ARHGAP44: variants seen among roughly 807,000 people sequenced by gnomAD.
ARHGAP44 encodes the protein Rho GTPase activating protein 44.
ARHGAP44 carries 43 observed loss-of-function variants against 106.8 expected under a neutral mutation model. That is an observed-to-expected ratio of 0.40 (90% CI 0.32 to 0.52). The LOEUF is 0.52. ARHGAP44 is among the 20% of genes least tolerant of loss of function. The pLI is 0.48. For missense variants in ARHGAP44, 866 were observed against 1,050.5 expected (o/e 0.82, Z 2.43); for synonymous variants, 439 against 410.3 (o/e 1.07, Z -0.85).
chr17:12,952,558 C>T lies in ARHGAP44; in HGVS notation c.1113C>T (p.Pro371=), dbSNP rs1009467619. The part of the protein sequence containing the change: ...QALWNACEKL[P]KANHNNIRYL... Reference sequence around the variant, plus strand: ...TATGGAATGCTTGTGAAAAGTTGCCCAAGGCCAATCACAACAACATCCGGT... The same window carrying T: ...TATGGAATGCTTGTGAAAAGTTGCCTAAGGCCAATCACAACAACATCCGGT... The change falls in exon 13 of 21, where the codon CCC becomes CCT. Residue 371 remains proline (P), a synonymous_variant. Transcript: ENST00000379672. 5 of 1,575,166 alleles carry T rather than the reference C, an allele frequency of 3.2e-6. No individual in the cohort carries two copies. The highest frequency in any genetic ancestry group is 4.3e-6 in the Non-Finnish European group (5 of 1,159,956).
At chr17:12,839,031 A>G (rs2035319911) in intron 1 of ARHGAP44, among the ~76,000 whole-genome samples, 1 of 152,100 alleles carries the variant, frequency 6.6e-6, no homozygotes, top group Admixed American at 6.6e-5. Flanking sequence ...GGTTTTATTT[A>G]TACCAAGTTT....
intron 3 of ARHGAP44, among the ~76,000 whole-genome samples, chr17:12,901,253 T>C (rs2150927827): frequency 6.6e-6 from 1 of 152,044 alleles, no homozygotes; most frequent in South Asian, 2.1e-4. Context: ...AACATAAAGG[T>C]GGCCAGAGTG....
chr17:12,939,011 C>G (rs141469136), intron 7 of ARHGAP44, among the ~76,000 whole-genome samples: 2 of 152,282 alleles, frequency 1.3e-5, no homozygotes, highest in African/African-American at 4.8e-5. Flanking sequence ...GTCTACTGAG[C>G]CATTTGTATC....
intron 1 of ARHGAP44, among the ~76,000 whole-genome samples, chr17:12,815,391 T>C (rs772776610): frequency 6.6e-6 from 1 of 152,088 alleles, no homozygotes; most frequent in Non-Finnish European, 1.5e-5. Context: ...CTAGGAGAAA[T>C]ACAGAAATAG....
At chr17:12,814,351 C>T (rs2034532252) in intron 1 of ARHGAP44, among the ~76,000 whole-genome samples, 1 of 151,010 alleles carries the variant, frequency 6.6e-6, no homozygotes, top group South Asian at 2.1e-4. Context: ...AGCAATTCTC[C>T]TGCCTCAGCC....
At chr17:12,914,345 C>T (rs1169680982) in intron 4 of ARHGAP44, among the ~76,000 whole-genome samples, 1 of 152,204 alleles carries the variant, frequency 6.6e-6, no homozygotes, top group East Asian at 1.9e-4. Context: ...CAAACATGCA[C>T]AAAGAGACTG....
intron 6 of ARHGAP44, among the ~76,000 whole-genome samples, chr17:12,925,160 A>C (rs1442272514): frequency 6.6e-6 from 1 of 152,132 alleles, no homozygotes; most frequent in African/African-American, 2.4e-5. Context: ...ATGTCTCCCC[A>C]CTATGAGCCC....
At chr17:12,884,531 C>T (rs2150903975) in intron 1 of ARHGAP44, among the ~76,000 whole-genome samples, 1 of 152,246 alleles carries the variant, frequency 6.6e-6, no homozygotes, top group South Asian at 2.1e-4. Context: ...TTCAAAGTTT[C>T]TTTTTTACTT....
At chr17:12,932,120 T>G (rs1028757986) in intron 7 of ARHGAP44, among the ~76,000 whole-genome samples, 1 of 152,186 alleles carries the variant, frequency 6.6e-6, no homozygotes, top group African/African-American at 2.4e-5. Flanking sequence ...GAAAAGGAAA[T>G]TGCATTTTAC....
intron 1 of ARHGAP44, among the ~76,000 whole-genome samples, chr17:12,872,281 T>C (rs2036429037): frequency 1.3e-5 from 2 of 152,218 alleles, no homozygotes; most frequent in Admixed American, 1.3e-4. Flanking sequence ...TTTGACTGCT[T>C]TCTTTATCTT....
At chr17:12,943,915 C>G (rs1048574837) in intron 9 of ARHGAP44, among the ~76,000 whole-genome samples, 154 bp from the exon 10 acceptor site, 1 of 152,132 alleles carries the variant, frequency 6.6e-6, no homozygotes, top group African/African-American at 2.4e-5. Context: ...TCCTCCAGTC[C>G]TCCTGTCATC....
At chr17:12,905,048 C>T (rs967996041) in intron 3 of ARHGAP44, among the ~76,000 whole-genome samples, 10 of 150,940 alleles carry the variant, frequency 6.6e-5, no homozygotes, top group South Asian at 2.1e-4. Flanking sequence ...ACTACAGGGG[C>T]GTGCCACCAC....
chr17:12,915,829 G>A, intron 4 of ARHGAP44, 71 bp from the exon 5 acceptor site: 2 of 1,334,810 alleles, frequency 1.5e-6, no homozygotes, highest in Non-Finnish European at 2.1e-6. Context: ...GCCAGGAGGT[G>A]AGGGGAGGGT....
chr17:12,987,313 A>C (rs746734722), intron 20 of ARHGAP44: 11 of 589,542 alleles, frequency 1.9e-5, no homozygotes, highest in Non-Finnish European at 3.1e-5. Flanking sequence ...TTGATCCATG[A>C]GCTTATTTGG....
intron 1 of ARHGAP44, among the ~76,000 whole-genome samples, chr17:12,799,515 C>T (rs1160475530): frequency 6.6e-6 from 1 of 152,144 alleles, no homozygotes; most frequent in Non-Finnish European, 1.5e-5. Context: ...GCCTGGAATT[C>T]ACAAACGTCA....
Position 12,955,888 on chromosome 17 carries a change from C to T in ARHGAP44, c.1158C>T (p.Ser386=), listed in dbSNP as rs2039114917. The T allele has an allele frequency of 6.2e-7, 1 of 1,612,998 alleles. No homozygotes were observed. Among genetic ancestry groups the T allele is most frequent in the Middle Eastern group, 1.6e-4 (1 of 6,062 alleles). Residue 386 remains serine, a synonymous_variant, in exon 14 of 21, where the codon TCC becomes TCT. Transcript: ENST00000379672. The stretch of plus-strand genomic sequence containing the variant: ...TTAGATACTTGATAAAATTTTTATC[C>T]AAGCTGTCAGAATATCAAGATGTAA... ...NNIRYLIKFL[S]KLSEYQDVNK...
chr17:12,896,684 A>G (rs1190711803), intron 3 of ARHGAP44, among the ~76,000 whole-genome samples, 173 bp downstream of exon 3: 1 of 152,040 alleles, frequency 6.6e-6, no homozygotes, highest in East Asian at 1.9e-4. Context: ...GACCCTCCCT[A>G]CTGTTCTTGC....
chr17:12,920,797 C>G (rs975418669), intron 6 of ARHGAP44, among the ~76,000 whole-genome samples: 2 of 152,166 alleles, frequency 1.3e-5, no homozygotes, highest in African/African-American at 4.8e-5. Context: ...AGAGAGCAGT[C>G]AAGTACCTGT....
intron 1 of ARHGAP44, among the ~76,000 whole-genome samples, chr17:12,861,560 G>A (rs929048594): frequency 2.0e-5 from 3 of 151,774 alleles, no homozygotes; most frequent in Admixed American, 2.0e-4. Context: ...CAGTAGCACT[G>A]GGTTGTGCTG....
Sources: allele counts gnomAD v4.1 joint callset (sites outside exome capture counted in the v4.1 genomes callset), GRCh38; gene constraint gnomAD v4.1.1; transcripts MANE v1.5; gene names NCBI Gene and HGNC (gene_info 2026-07-23, HGNC 2026-07-21).